YTHDF2: variants seen among roughly 807,000 people sequenced by gnomAD.
The protein encoded by YTHDF2 is YTH domain-containing family protein 2.
A neutral mutation model predicts 50.4 loss-of-function variants in YTHDF2; 2 were observed. The observed-to-expected ratio is 0.04, with a 90% CI of 0.02 to 0.12. The LOEUF (loss-of-function observed/expected upper bound fraction) is 0.12. YTHDF2 is among the 10% of genes least tolerant of loss of function. YTHDF2 has a pLI of 1.00. For missense variants in YTHDF2, 483 were observed against 722.6 expected (o/e 0.67, Z 3.80); for synonymous variants, 217 against 255.6 (o/e 0.85, Z 1.44).
chr1:28,748,285 C>A (rs1197281681), intron 4 of YTHDF2, among the ~76,000 whole-genome samples: 1 of 152,138 alleles, frequency 6.6e-6, no homozygotes, highest in Non-Finnish European at 1.5e-5. Context: ...ACTGTTCTTA[C>A]AATCTTTATT....
chr1:28,758,262 A>T lies in YTHDF2; in HGVS notation c.1717-10667A>T, dbSNP rs143993141. ...GCACCTGTGGTCCTAGCTACCTGGG[A>T]GGCTGAGGTGGAAGGATCCCCTGAG... On this transcript the variant is annotated intron_variant, in intron 4 of 4. Transcript: ENST00000373812. Among the ~76,000 whole-genome samples, 504 of 152,134 alleles carry T rather than the reference A, an allele frequency of 3.3e-3. 4 individuals carry two copies. The highest frequency in any genetic ancestry group is 0.012 in the African/African-American group (483 of 41,486).
intron 4 of YTHDF2, among the ~76,000 whole-genome samples, chr1:28,762,284 C>A (rs934320158): frequency 5.3e-5 from 8 of 152,118 alleles, no homozygotes; most frequent in African/African-American, 1.9e-4. Flanking sequence ...CCCAGCTACT[C>A]GGGAGGCTGA....
At position 28,737,645 on chromosome 1, in the gene YTHDF2, C is replaced by T. The variant is rs768422756; in HGVS notation, c.28-13C>T. 8.7e-6 allele frequency: 14 copies of T among 1,613,716 alleles called. No homozygotes were observed. Among genetic ancestry groups the T allele is most frequent in the Non-Finnish European group, 1.0e-5 (12 of 1,179,854 alleles). ...GACAACTTGCTGCTCGGCGACGTTT[C>T]CTTCCCCTGCAGAGACCAAAAGGTC... On this transcript the variant is annotated splice_polypyrimidine_tract_variant and intron_variant, in intron 1 of 4. Coordinates refer to ENST00000373812, the MANE Select transcript of YTHDF2 (RefSeq NM_016258.3).
At chr1:28,761,091 AT>A (rs2088118505) in intron 4 of YTHDF2, among the ~76,000 whole-genome samples, 1 of 139,456 alleles carries the variant, frequency 7.2e-6, no homozygotes, top group African/African-American at 2.7e-5. Flanking sequence ...CTGAAATGTC[AT>A]TATATCGTGC....
At chr1:28,767,039 C>T (rs2088229910) in intron 4 of YTHDF2, among the ~76,000 whole-genome samples, 1 of 149,338 alleles carries the variant, frequency 6.7e-6, no homozygotes, top group South Asian at 2.1e-4. Flanking sequence ...ACAGTGTCTC[C>T]ATATGTTGGC....
intron 4 of YTHDF2, among the ~76,000 whole-genome samples, chr1:28,751,177 G>A (rs972332040): frequency 1.3e-5 from 2 of 149,526 alleles, no homozygotes; most frequent in African/African-American, 5.0e-5. Flanking sequence ...AGAATCTCTT[G>A]AACCCAGGAG....
intron 4 of YTHDF2, among the ~76,000 whole-genome samples, chr1:28,747,261 GCTAA>G (rs1284081618): frequency 6.6e-6 from 1 of 151,834 alleles, no homozygotes; most frequent in Non-Finnish European, 1.5e-5. Flanking sequence ...TCTTTGGTAA[GCTAA>G]CTAATGGCTC....
chr1:28,741,944 A>T (rs532853725), intron 3 of YTHDF2, among the ~76,000 whole-genome samples: 1 of 152,314 alleles, frequency 6.6e-6, no homozygotes, highest in Non-Finnish European at 1.5e-5. Context: ...TCACTGTATC[A>T]GCTTAACTTT....
chr1:28,752,713 T>C (rs1022401500), intron 4 of YTHDF2, among the ~76,000 whole-genome samples: 1 of 152,188 alleles, frequency 6.6e-6, no homozygotes, highest in Non-Finnish European at 1.5e-5. Flanking sequence ...TAAATTTGTG[T>C]GTCACGACTG....
intron 4 of YTHDF2, among the ~76,000 whole-genome samples, chr1:28,749,979 AAAG>A (rs1420967624): frequency 7.3e-6 from 1 of 137,092 alleles, no homozygotes; most frequent in Non-Finnish European, 1.5e-5. Flanking sequence ...TTTTGAAAAA[AAAG>A]GTTGTTTTTT....
intron 4 of YTHDF2, among the ~76,000 whole-genome samples, chr1:28,768,291 G>C (rs2088251321): frequency 6.6e-6 from 1 of 152,196 alleles, no homozygotes; most frequent in Non-Finnish European, 1.5e-5. Context: ...CTCATAAACA[G>C]TGATTCTTAA....
chr1:28,740,837 G>A (rs1346235145), intron 3 of YTHDF2, among the ~76,000 whole-genome samples: 2 of 151,920 alleles, frequency 1.3e-5, no homozygotes, highest in African/African-American at 4.8e-5. Context: ...CCGAGTAGCT[G>A]GGACTACAGG....
chr1:28,744,459 C>T (rs2124171374), intron 4 of YTHDF2, among the ~76,000 whole-genome samples: 1 of 152,304 alleles, frequency 6.6e-6, no homozygotes, highest in African/African-American at 2.4e-5. Flanking sequence ...CTTCTGTCTT[C>T]CCTGTGACAA....
intron 4 of YTHDF2, among the ~76,000 whole-genome samples, chr1:28,758,347 C>T (rs977904205): frequency 6.6e-6 from 1 of 152,132 alleles, no homozygotes; most frequent in Non-Finnish European, 1.5e-5. Context: ...GTGTGGGCAA[C>T]AGAGTGAGAC....
rs778927773 is a variant in YTHDF2 at position 28,737,167 on chromosome 1, G to T, written c.27+20G>T. On this transcript the variant is annotated intron_variant, in intron 1 of 4. Coordinates refer to ENST00000373812, the MANE Select transcript of YTHDF2 (RefSeq NM_016258.3). ...GAGCAGGTACAGGCCCGGCCCGCATGCCTCGGCCATTGTGTGAGGCGAGAA... is the reference window on the plus strand; with the variant it reads ...GAGCAGGTACAGGCCCGGCCCGCATTCCTCGGCCATTGTGTGAGGCGAGAA... 1.3e-6 allele frequency: 2 copies of T among 1,576,806 alleles called. No individual in the cohort carries two copies. The highest frequency in any genetic ancestry group is 1.2e-5 in the South Asian group (1 of 86,614).
chr1:28,751,540 A>G (rs1387368069), intron 4 of YTHDF2, among the ~76,000 whole-genome samples: 1 of 152,196 alleles, frequency 6.6e-6, no homozygotes, highest in African/African-American at 2.4e-5. Context: ...GGTTAAGGAA[A>G]TTTTATTTGT....
At chr1:28,736,925 T>C, upstream of YTHDF2, 1 of 581,638 alleles carries the variant, frequency 1.7e-6, no homozygotes, top group South Asian at 2.0e-5. Context: ...GAGACGGGCA[T>C]TGAGCTCTTG....
At chr1:28,750,426 A>G (rs1410101228) in intron 4 of YTHDF2, among the ~76,000 whole-genome samples, 1 of 152,232 alleles carries the variant, frequency 6.6e-6, no homozygotes, top group African/African-American at 2.4e-5. Flanking sequence ...TCAAGAAACT[A>G]AAAGAGATGT....
chr1:28,753,721 T>A (rs1021775465), intron 4 of YTHDF2, among the ~76,000 whole-genome samples: 3 of 151,178 alleles, frequency 2.0e-5, no homozygotes, highest in Non-Finnish European at 4.4e-5. Context: ...TTTTTTTTTT[T>A]CTGAGACAAA....
Sources: gnomAD v4.1 joint callset for allele counts (sites outside exome capture counted in the v4.1 genomes callset) on GRCh38, gnomAD v4.1.1 for gene constraint, MANE v1.5 for transcripts, NCBI Gene and HGNC (gene_info 2026-07-23, HGNC 2026-07-21) for gene names.